The following PHF2 variants were observed in gnomAD, a reference collection of about 807,000 sequenced individuals.
PHF2 encodes lysine-specific demethylase PHF2.
Under a neutral mutation model 120.5 loss-of-function variants are expected in PHF2, and 27 were observed. The observed-to-expected ratio is 0.22, with a 90% CI of 0.17 to 0.31. The LOEUF (loss-of-function observed/expected upper bound fraction) is 0.31. Among genes scored for constraint, PHF2 ranks in the 10% least tolerant of loss-of-function variants. The probability of loss-of-function intolerance (pLI) is 1.00; values close to 1 mark genes in which losing one functional copy is unlikely to be tolerated. For missense variants in PHF2, 1,024 were observed against 1,434.8 expected, an observed-to-expected ratio of 0.71 and a Z score of 4.63; for synonymous variants, 568 against 592.5, an observed-to-expected ratio of 0.96 and a Z score of 0.60.
intron 14 of PHF2, 131 bp from the exon 15 acceptor site, chr9:93,665,555 T>C: frequency 1.1e-6 from 1 of 933,992 alleles, no homozygotes; most frequent in Non-Finnish European, 1.6e-6. Flanking sequence ...GAAATTCAAA[T>C]AGTGGCAACG....
chr9:93,640,121 T>G (rs1204029750), intron 3 of PHF2, among the ~76,000 whole-genome samples: 3 of 79,800 alleles, frequency 3.8e-5, no homozygotes, highest in African/African-American at 2.0e-4. Flanking sequence ...TTGCTTGGTC[T>G]TTGGTTTTTT....
At chr9:93,667,344 A>T in intron 17 of PHF2, 104 bp downstream of exon 17, 1 of 1,403,400 alleles carries the variant, frequency 7.1e-7, no homozygotes, top group Non-Finnish European at 9.7e-7. Context: ...GCACAGCTGG[A>T]GCCAGTGCTG....
intron 1 of PHF2, among the ~76,000 whole-genome samples, chr9:93,627,230 A>T (rs879554429): frequency 1.3e-5 from 2 of 152,090 alleles, no homozygotes; most frequent in Non-Finnish European, 2.9e-5. Flanking sequence ...CCTACATATT[A>T]ATATTTTGTT....
intron 4 of PHF2, among the ~76,000 whole-genome samples, chr9:93,647,858 C>CA (rs1194412544): frequency 6.6e-6 from 1 of 151,272 alleles, no homozygotes; most frequent in Non-Finnish European, 1.5e-5. Flanking sequence ...CACTGCACTC[C>CA]AGCCTGGGCA....
At chr9:93,619,876 T>A (rs150060427) in intron 1 of PHF2, among the ~76,000 whole-genome samples, 1 of 151,876 alleles carries the variant, frequency 6.6e-6, no homozygotes, top group African/African-American at 2.4e-5. Context: ...GGGGTGACAT[T>A]TGTGCCCCTG....
rs1171243513 is a variant in PHF2, at chr9:93,665,790, C to G, written c.2042C>G (p.Ser681Trp). The G allele has an allele frequency of 6.2e-7, 1 of 1,610,976 alleles. No individual in the cohort carries two copies. ...KPVRDEYEYV[S>W]DDGELKIDEF... ...GTGCGGGATGAGTATGAGTACGTGT[C>G]GGATGACGGTGAGCTCAAGATCGAC... The change falls in exon 15 of 22, where the codon TCG becomes TGG. Residue 681 changes from serine (S) to tryptophan (W), a missense_variant. By Grantham distance (177) the Ser-to-Trp change is radical. Transcript: ENST00000359246.
In PHF2 at chr9:93,676,645, A is replaced by AACACCACCTCCCCTTCCACCTC; in HGVS notation, c.2885_2906dup (p.Thr970HisfsTer53). ...GAGTGCCAAGAGGAAGCTGACTCCT[A>AACACCACCTCCCCTTCCACCTC]ACACCACCTCCCCTTCCACCTCCAC... is the stretch of plus-strand genomic sequence containing the variant. On this transcript the variant is annotated frameshift_variant, in exon 21 of 22. Coordinates refer to ENST00000359246, the MANE Select transcript of PHF2 (RefSeq NM_005392.4). LOFTEE classifies it high-confidence loss of function. 1 of 1,607,664 alleles carries AACACCACCTCCCCTTCCACCTC rather than the reference A, an allele frequency of 6.2e-7. No homozygotes were observed. The highest frequency in any genetic ancestry group is 8.5e-7 in the Non-Finnish European group (1 of 1,176,908).
chr9:93,645,812 T>C (rs757546975), intron 4 of PHF2, 23 bp downstream of exon 4: 1 of 1,549,914 alleles, frequency 6.5e-7, no homozygotes, highest in Non-Finnish European at 8.7e-7. Flanking sequence ...CCCTTCACAG[T>C]GCTCTGGGGC....
Position 93,677,872 on chromosome 9 carries a change from G to A in PHF2, c.*196G>A. 4 of 579,148 alleles carry A rather than the reference G, an allele frequency of 6.9e-6. No individual in the cohort carries two copies. The highest frequency in any genetic ancestry group is 2.2e-5 in the South Asian group (1 of 46,352). 35.9% of individuals were successfully genotyped at this position (579,148 alleles called of 1,614,324 possible). A position where few individuals can be genotyped will look rare whatever the true frequency, so the allele number is the denominator to read the frequency against. Reference sequence around the variant, plus strand: ...GTGGCCCCTCAATTTGAAAATGGACGTCTTTTCTCAAGTTGCTAAGAGTGA... The same window carrying A: ...GTGGCCCCTCAATTTGAAAATGGACATCTTTTCTCAAGTTGCTAAGAGTGA... On this transcript the variant is annotated 3_prime_UTR_variant, in exon 22 of 22. Coordinates refer to ENST00000359246, the MANE Select transcript of PHF2 (RefSeq NM_005392.4). This position sits in a 1 kb window ranked among gnomAD's most constrained non-coding sequence, Gnocchi z 4.4.
At chr9:93,671,323 GATGCAGATGTGGGTGTGGGA>G in intron 17 of PHF2, 1 of 497,968 alleles carries the variant, frequency 2.0e-6, no homozygotes, top group Non-Finnish European at 2.6e-6. Context: ...GTCAGGTGTA[GATGCAGATGTGGGTGTGGGA>G]GTAGGGTCAG....
rs752600412 is a variant in PHF2 at position 93,675,762 on chromosome 9, G to A, written c.2805G>A (p.Ala935=). 1.1e-5 allele frequency: 17 copies of A among 1,611,752 alleles called. No individual in the cohort carries two copies. In the South Asian group the frequency reaches 1.1e-4, roughly 10 times the overall value. Residue 935 remains alanine, a synonymous_variant, in exon 20 of 22, where the codon GCG becomes GCA. Coordinates refer to ENST00000359246, the MANE Select transcript of PHF2 (RefSeq NM_005392.4). The part of the protein sequence containing the change: ...TRVASIETGL[A]AAAAKLSQQE... ...TGGCTTCCATCGAGACCGGGCTGGC[G>A]GCTGCTGCAGCTAAGTTGTCCCAGC...
rs1275636658 is a variant in PHF2, at chr9:93,667,166, G to A, written c.2274G>A (p.Gly758=). Residue 758 remains glycine (G), a synonymous_variant, in exon 17 of 22, where the codon GGG becomes GGA. Transcript: ENST00000359246. The part of the protein sequence containing the change: ...GRNARVKKES[G]SSAAGILDLL... ...ATGCCAGAGTCAAGAAGGAGAGTGG[G>A]AGCTCGGCAGCTGGCATCTTGGACC... 6.2e-7 allele frequency: 1 copy of A among 1,613,140 alleles called. No individual in the cohort carries two copies. The highest frequency in any genetic ancestry group is 8.5e-7 in the Non-Finnish European group (1 of 1,179,984).
chr9:93,578,535 T>G (rs10761237), intron 1 of PHF2, among the ~76,000 whole-genome samples: 1 of 152,036 alleles, frequency 6.6e-6, no homozygotes, highest in Admixed American at 6.5e-5. Flanking sequence ...GCAGTCACTC[T>G]GCTACAGAAC....
intron 5 of PHF2, among the ~76,000 whole-genome samples, chr9:93,652,968 G>A (rs1240874971): frequency 6.6e-6 from 1 of 152,202 alleles, no homozygotes; most frequent in Non-Finnish European, 1.5e-5. Context: ...GCCAGCGTCA[G>A]ACCCAGTCTC....
At chr9:93,603,113 G>A (rs370444332) in intron 1 of PHF2, among the ~76,000 whole-genome samples, 14 of 152,222 alleles carry the variant, frequency 9.2e-5, no homozygotes, top group Non-Finnish European at 2.9e-5. Context: ...TGGGCTGGAT[G>A]ATCACGTTCA....
At chr9:93,659,687 C>T (rs1350492543) in intron 11 of PHF2, 87 bp downstream of exon 11, 1 of 1,219,784 alleles carries the variant, frequency 8.2e-7, no homozygotes, top group African/African-American at 1.5e-5. Flanking sequence ...GCCAGCCTAA[C>T]ACAGAGCTGC....
chr9:93,642,587 C>A (rs1018022635), intron 3 of PHF2, among the ~76,000 whole-genome samples: 1 of 152,174 alleles, frequency 6.6e-6, no homozygotes, highest in East Asian at 1.9e-4. Context: ...CTTTTGACAT[C>A]TCTTGCTAAT....
At chr9:93,640,792 T>C (rs1826161431) in intron 3 of PHF2, among the ~76,000 whole-genome samples, 1 of 152,218 alleles carries the variant, frequency 6.6e-6, no homozygotes. Context: ...CTGGACACGA[T>C]GTATTGTGTA....
chr9:93,600,629 G>T (rs185592707), intron 1 of PHF2, among the ~76,000 whole-genome samples: 37 of 152,194 alleles, frequency 2.4e-4, no homozygotes, highest in Admixed American at 1.7e-3. Flanking sequence ...CAGCCATCTC[G>T]CAGGTTGTGG....
Sources: gnomAD v4.1 joint callset for allele counts (sites outside exome capture counted in the v4.1 genomes callset) on GRCh38, gnomAD v4.1.1 for gene constraint, Gnocchi (gnomAD v3.1) non-coding constraint, MANE v1.5 for transcripts, NCBI Gene and HGNC (gene_info 2026-07-23, HGNC 2026-07-21) for gene names.